The following LGR5 variants were observed in gnomAD, a reference collection of about 807,000 sequenced individuals.
The protein encoded by LGR5 is leucine-rich repeat-containing G protein-coupled receptor 5.
Under a neutral mutation model 76.7 loss-of-function variants are expected in LGR5, and 54 were observed. The ratio of observed to expected loss-of-function variants is 0.70; its 90% CI spans 0.57 to 0.88. The LOEUF (loss-of-function observed/expected upper bound fraction) is 0.88, where lower values mean the gene tolerates loss of function less well. Among genes scored for constraint, LGR5 ranks in the 40% least tolerant of loss-of-function variants. The probability of loss-of-function intolerance (pLI) is 0.00; values close to 1 mark genes in which losing one functional copy is unlikely to be tolerated. For synonymous variants in LGR5, 406 were observed against 421.9 expected (o/e 0.96, Z 0.46); for missense variants, 1,078 against 1,073.3 (o/e 1.00, Z -0.06).
In LGR5 at chr12:71,585,604, C is replaced by A. The variant is rs1039524545; in HGVS notation, c.*870C>A. 1 of 152,138 alleles carries A rather than the reference C, an allele frequency of 6.6e-6. No homozygotes were observed. The highest frequency in any genetic ancestry group is 2.4e-5 in the African/African-American group (1 of 41,448). The allele number at this position is 152,138 out of a possible 1,614,324, so 9.4% of individuals were successfully genotyped here. A position where few individuals can be genotyped will look rare whatever the true frequency, so the allele number is the denominator to read the frequency against. ...TTTCTGGGTTAGTAAAGAATTTTTGCAATAAGTTTTATCAGTTGATTCAAA... is the reference window on the plus strand; with the variant it reads ...TTTCTGGGTTAGTAAAGAATTTTTGAAATAAGTTTTATCAGTTGATTCAAA... On this transcript the variant is annotated 3_prime_UTR_variant, in exon 18 of 18. Coordinates refer to ENST00000266674, the MANE Select transcript of LGR5 (RefSeq NM_003667.4).
In LGR5 at chr12:71,584,395, T is replaced by C. The variant is rs75659015; in HGVS notation, c.2385T>C (p.Phe795=). 1.2e-3 allele frequency: 1,988 copies of C among 1,614,182 alleles called. 20 individuals are homozygous for C. In the African/African-American group the frequency reaches 0.023, roughly 19 times the overall value. Residue 795 remains phenylalanine (F), a synonymous_variant, in exon 18 of 18, where the codon TTT becomes TTC. Transcript: ENST00000266674. ...TCTCCTCTTTAATAAACCTTACATT[T>C]ATCAGTCCTGAAGTAATTAAGTTTA... ...LSFSSLINLT[F]ISPEVIKFIL...
chr12:71,509,101 T>G (rs1240556128), intron 2 of LGR5, among the ~76,000 whole-genome samples: 2 of 152,116 alleles, frequency 1.3e-5, no homozygotes, highest in Non-Finnish European at 2.9e-5. Context: ...GAAGCTGTGC[T>G]GTATAGAAAG....
At chr12:71,565,465 A>G (rs1483085988) in intron 8 of LGR5, among the ~76,000 whole-genome samples, 2 of 22,726 alleles carry the variant, frequency 8.8e-5, no homozygotes. Flanking sequence ...AGACATATAT[A>G]CATATACATA....
At chr12:71,574,245 G>A (rs1878747883) in intron 13 of LGR5, among the ~76,000 whole-genome samples, 1 of 132,778 alleles carries the variant, frequency 7.5e-6, no homozygotes, top group African/African-American at 2.8e-5. Flanking sequence ...GGAGGTTGCA[G>A]TGAGCCGAGA....
chr12:71,536,443 C>T lies in LGR5; in HGVS notation c.428+1257C>T, dbSNP rs138573620. Among the ~76,000 whole-genome samples the T allele has an allele frequency of 9.5e-4, 145 of 152,248 alleles. 1 individual carries two copies. Among genetic ancestry groups the T allele is most frequent in the African/African-American group, 3.3e-3 (138 of 41,542 alleles). On this transcript the variant is annotated intron_variant, in intron 4 of 17. Transcript: ENST00000266674. The stretch of plus-strand genomic sequence containing the variant: ...TTCACCAGCCTATAGATAAACAAGC[C>T]CACAAGGGCCCCTTTGTGGTATGAG...
chr12:71,492,656 G>A (rs1204281700), intron 1 of LGR5, among the ~76,000 whole-genome samples: 1 of 152,156 alleles, frequency 6.6e-6, no homozygotes, highest in Non-Finnish European at 1.5e-5. Flanking sequence ...AAACCGATGG[G>A]AATTTTCTCT....
At chr12:71,483,293 G>T (rs1257830109) in intron 1 of LGR5, among the ~76,000 whole-genome samples, 1 of 152,078 alleles carries the variant, frequency 6.6e-6, no homozygotes, top group Non-Finnish European at 1.5e-5. Flanking sequence ...GAGATGAACC[G>T]GTGGAGTCAA....
intron 5 of LGR5, among the ~76,000 whole-genome samples, chr12:71,554,891 C>T (rs1289099992): frequency 1.3e-5 from 2 of 151,980 alleles, no homozygotes; most frequent in African/African-American, 4.8e-5. Flanking sequence ...CAGTATGACC[C>T]CCACATGTAT....
chr12:71,535,176 C>T lies in LGR5; in HGVS notation c.418C>T (p.Leu140Phe), dbSNP rs1876525726. The T allele has an allele frequency of 5.0e-6, 8 of 1,602,768 alleles. No individual in the cohort carries two copies. Among genetic ancestry groups the T allele is most frequent in the Non-Finnish European group, 6.0e-6 (7 of 1,170,098 alleles). Residue 140 changes from leucine to phenylalanine, a missense_variant, in exon 4 of 18, where the codon CTT becomes TTT. Leu to Phe is a conservative substitution (Grantham distance 22). Transcript: ENST00000266674. ...AGAAGCTCTGCAGAATTTGCGAAGC[C>T]TTCAATCCCTGTAAGTATAGTAGAC... The part of the protein sequence containing the change: ...PTEALQNLRS[L>F]QSLRLDANHI...
At chr12:71,554,079 C>G (rs1299035741) in intron 5 of LGR5, among the ~76,000 whole-genome samples, 1 of 151,670 alleles carries the variant, frequency 6.6e-6, no homozygotes, top group Non-Finnish European at 1.5e-5. Context: ...GAGACTCTGT[C>G]TCAAAAAAAA....
At chr12:71,449,559 C>A (rs1872165930) in intron 1 of LGR5, among the ~76,000 whole-genome samples, 1 of 152,186 alleles carries the variant, frequency 6.6e-6, no homozygotes, top group Non-Finnish European at 1.5e-5. Flanking sequence ...TTCCACCTCC[C>A]AGCTGCTGGC....
intron 4 of LGR5, among the ~76,000 whole-genome samples, chr12:71,542,785 T>C (rs1335233257): frequency 6.6e-6 from 1 of 151,998 alleles, no homozygotes; most frequent in Non-Finnish European, 1.5e-5. Context: ...TCCAGGATAA[T>C]GAGTTTGGTC....
Position 71,584,552 on chromosome 12 carries a change from A to T in LGR5, c.2542A>T (p.Ser848Cys). 6.2e-7 allele frequency: 1 copy of T among 1,614,080 alleles called. No homozygotes were observed. The highest frequency in any genetic ancestry group is 8.5e-7 in the Non-Finnish European group (1 of 1,180,018). Residue 848 changes from serine to cysteine, a missense_variant, in exon 18 of 18, where the codon AGC becomes TGC. Ser to Cys is a moderately radical substitution (Grantham distance 112). Transcript: ENST00000266674. ...TYVWTRSKHP[S>C]LMSINSDDVE... The stretch of plus-strand genomic sequence containing the variant: ...CGTCTGGACAAGATCAAAACACCCA[A>T]GCTTGATGTCAATTAACTCTGATGA...
intron 13 of LGR5, among the ~76,000 whole-genome samples, chr12:71,576,190 T>C (rs1565775536): frequency 6.6e-6 from 1 of 152,204 alleles, no homozygotes; most frequent in Non-Finnish European, 1.5e-5. Context: ...CCATGGCACA[T>C]GTTTACCTAT....
intron 2 of LGR5, among the ~76,000 whole-genome samples, chr12:71,516,845 A>G (rs1054024973): frequency 2.8e-4 from 43 of 152,200 alleles, no homozygotes; most frequent in African/African-American, 1.0e-3. Flanking sequence ...TGGTGGGACA[A>G]TATGAGTCAC....
intron 2 of LGR5, among the ~76,000 whole-genome samples, chr12:71,507,498 T>C (rs1249036186): frequency 1.3e-5 from 2 of 152,114 alleles, no homozygotes; most frequent in African/African-American, 4.8e-5. Context: ...GAGGAAGAGA[T>C]TGGATATTCA....
intron 8 of LGR5, 28 bp from the exon 9 acceptor site, chr12:71,566,376 T>C (rs1221641668): frequency 2.1e-6 from 3 of 1,398,820 alleles, no homozygotes; most frequent in Admixed American, 3.5e-5. Flanking sequence ...TATACTAAGA[T>C]ATTAATTGCT....
At chr12:71,546,420 T>TA (rs976347103) in intron 4 of LGR5, among the ~76,000 whole-genome samples, 12 of 151,976 alleles carry the variant, frequency 7.9e-5, no homozygotes, top group Admixed American at 6.6e-4. Flanking sequence ...AACATGGAGT[T>TA]ATGTTTTATT....
At position 71,572,838 on chromosome 12, in the gene LGR5, C is replaced by G. The variant is rs1565772008; in HGVS notation, c.1137-12C>G. Reference sequence around the variant, plus strand: ...AACTTTGAAATCAATCTTTGGAACCCTGTCATTTCAGTGACCTAAGACATA... The same window carrying G: ...AACTTTGAAATCAATCTTTGGAACCGTGTCATTTCAGTGACCTAAGACATA... On this transcript the variant is annotated splice_polypyrimidine_tract_variant and intron_variant, in intron 12 of 17. Transcript: ENST00000266674. 1.2e-6 allele frequency: 2 copies of G among 1,608,158 alleles called. No individual in the cohort carries two copies. Among genetic ancestry groups the G allele is most frequent in the Admixed American group, 1.7e-5 (1 of 59,898 alleles).
Sources: gnomAD v4.1 joint callset for allele counts (sites outside exome capture counted in the v4.1 genomes callset) on GRCh38, gnomAD v4.1.1 for gene constraint, MANE v1.5 for transcripts, NCBI Gene and HGNC (gene_info 2026-07-23, HGNC 2026-07-21) for gene names.